CGGBP1: variants seen among roughly 807,000 people sequenced by gnomAD.
CGGBP1 encodes CGG triplet repeat binding protein 1, also known as CGG triplet repeat-binding protein 1.
In CGGBP1, 4 loss-of-function variants were observed where a neutral mutation model predicts 11.4. That is an observed-to-expected ratio of 0.35 (90% CI 0.17 to 0.80). The LOEUF (loss-of-function observed/expected upper bound fraction) is 0.80, where lower values mean the gene tolerates loss of function less well. Ranked by LOEUF, CGGBP1 falls within the 30% of genes least tolerant of loss-of-function variation. The pLI, the probability that CGGBP1 is intolerant of heterozygous loss-of-function variation, is 0.52. For synonymous variants in CGGBP1, 76 were observed against 74.1 expected (o/e 1.03, Z -0.13); for missense variants, 135 against 202.1 (o/e 0.67, Z 2.01).
chr3:88,140,523 A>G (rs1479506352), intron 2 of CGGBP1: 6 of 1,613,658 alleles, frequency 3.7e-6, no homozygotes, highest in Admixed American at 1.7e-5. Flanking sequence ...CACTGTTTCA[A>G]ATATAAGCTT....
At chr3:88,082,856 A>G (rs542263539) in intron 2 of CGGBP1, among the ~76,000 whole-genome samples, 2 of 152,196 alleles carry the variant, frequency 1.3e-5, no homozygotes, top group Non-Finnish European at 2.9e-5. Flanking sequence ...ATTTTCTCAC[A>G]GTTCTGGAGG....
At chr3:88,077,546 G>A (rs370701518) in intron 2 of CGGBP1, among the ~76,000 whole-genome samples, 20 of 152,100 alleles carry the variant, frequency 1.3e-4, no homozygotes, top group African/African-American at 4.8e-4. Flanking sequence ...TGTGTATGGG[G>A]AATCATTGTT....
chr3:88,130,676 G>A (rs1228246669), intron 2 of CGGBP1, among the ~76,000 whole-genome samples: 2 of 143,404 alleles, frequency 1.4e-5, no homozygotes, highest in Admixed American at 7.3e-5. Flanking sequence ...GGCCGGTTTG[G>A]AACTCCTTGG....
intron 1 of CGGBP1, chr3:88,143,630 A>T (rs1420342148): frequency 1.9e-4 from 29 of 152,340 alleles, no homozygotes; most frequent in Admixed American, 1.9e-3. Context: ...CCCACAAAGT[A>T]TTCCATTTTC....
At chr3:88,079,115 G>T (rs1198036458) in intron 2 of CGGBP1, among the ~76,000 whole-genome samples, 1 of 152,032 alleles carries the variant, frequency 6.6e-6, no homozygotes, top group African/African-American at 2.4e-5. Context: ...ATATGAAAAA[G>T]AGCATTTTTG....
At chr3:88,103,348 A>T (rs1455210413) in intron 2 of CGGBP1, among the ~76,000 whole-genome samples, 1 of 152,226 alleles carries the variant, frequency 6.6e-6, no homozygotes, top group Non-Finnish European at 1.5e-5. Context: ...ACAGATGAAG[A>T]ATGGCTAAGA....
At chr3:88,123,260 T>G (rs969355558) in intron 2 of CGGBP1, among the ~76,000 whole-genome samples, 2 of 152,206 alleles carry the variant, frequency 1.3e-5, no homozygotes, top group African/African-American at 4.8e-5. Context: ...TTATTTCATC[T>G]GTTTCCTATC....
intron 2 of CGGBP1, among the ~76,000 whole-genome samples, chr3:88,103,757 A>G (rs992849906): frequency 1.5e-4 from 20 of 137,672 alleles, no homozygotes; most frequent in African/African-American, 5.3e-4. Flanking sequence ...AAAGAGATGT[A>G]TTAACTTTTT....
At chr3:88,145,272 A>G (rs1707290235) in intron 1 of CGGBP1, among the ~76,000 whole-genome samples, 1 of 152,098 alleles carries the variant, frequency 6.6e-6, no homozygotes. Flanking sequence ...ATTGGAAAAA[A>G]TGGGGCTTTA....
At chr3:88,067,366 A>G (rs1186177973) in intron 2 of CGGBP1, among the ~76,000 whole-genome samples, 5 of 152,232 alleles carry the variant, frequency 3.3e-5, no homozygotes, top group Non-Finnish European at 7.3e-5. Context: ...TCTTAGAGAT[A>G]GCTGGACTTA....
chr3:88,093,286 G>A (rs945660811), intron 2 of CGGBP1, among the ~76,000 whole-genome samples: 5 of 152,162 alleles, frequency 3.3e-5, no homozygotes, highest in African/African-American at 9.7e-5. Flanking sequence ...AAACTAAGTG[G>A]ACTTTCAGGC....
At chr3:88,131,773 T>C (rs1382139099) in intron 2 of CGGBP1, among the ~76,000 whole-genome samples, 1 of 152,154 alleles carries the variant, frequency 6.6e-6, no homozygotes, top group African/African-American at 2.4e-5. Flanking sequence ...CTCTTTTCTA[T>C]ATTTCTGAAT....
chr3:88,060,242 A>G (rs1285527900), upstream of CGGBP1, among the ~76,000 whole-genome samples: 2 of 152,078 alleles, frequency 1.3e-5, no homozygotes, highest in Admixed American at 6.5e-5. Context: ...CCTTCAATAT[A>G]TAATGTATTT....
chr3:88,106,156 T>TA (rs1162205807), intron 2 of CGGBP1, among the ~76,000 whole-genome samples: 1 of 152,210 alleles, frequency 6.6e-6, no homozygotes, highest in Admixed American at 6.5e-5. Context: ...GGTACTCTGT[T>TA]ACAGCTGTAC....
chr3:88,059,193 A>G (rs1706683363), upstream of CGGBP1: 3 of 1,436,200 alleles, frequency 2.1e-6, no homozygotes, highest in East Asian at 2.6e-5. Flanking sequence ...AGCCCAGCCG[A>G]GAGGCCCCTG....
chr3:88,139,843 A>G (rs1707010807), intron 2 of CGGBP1: 1 of 1,584,328 alleles, frequency 6.3e-7, no homozygotes, highest in African/African-American at 1.3e-5. Flanking sequence ...TCAGTAATTC[A>G]TAAAATCAAT....
chr3:88,090,314 G>A (rs1457343280), intron 2 of CGGBP1, among the ~76,000 whole-genome samples: 2 of 152,024 alleles, frequency 1.3e-5, no homozygotes, highest in Non-Finnish European at 2.9e-5. Flanking sequence ...TTATATTGAT[G>A]ACCCTGATTC....
intron 2 of CGGBP1, chr3:88,135,331 A>G (rs1486937490): frequency 3.0e-6 from 2 of 662,658 alleles, no homozygotes; most frequent in African/African-American, 1.9e-5. Context: ...CACATTCTCC[A>G]TACATTACAT....
chr3:88,071,816 C>A (rs1029245833), intron 2 of CGGBP1, among the ~76,000 whole-genome samples: 17 of 152,138 alleles, frequency 1.1e-4, no homozygotes, highest in African/African-American at 3.6e-4. Flanking sequence ...AAAAAAAAAT[C>A]AAAAACACTT....
Sources: gnomAD v4.1 joint callset for allele counts (sites outside exome capture counted in the v4.1 genomes callset) on GRCh38, gnomAD v4.1.1 for gene constraint, MANE v1.5 for transcripts, NCBI Gene and HGNC (gene_info 2026-07-23, HGNC 2026-07-21) for gene names.